INPP4B: variants seen among roughly 807,000 people sequenced by gnomAD.
The protein encoded by INPP4B is inositol polyphosphate-4-phosphatase type II B.
In INPP4B, 55 loss-of-function variants were observed where a neutral mutation model predicts 122.5. The ratio of observed to expected loss-of-function variants is 0.45; its 90% CI spans 0.36 to 0.56. The LOEUF is 0.56. Ranked by LOEUF, INPP4B falls within the 20% of genes least tolerant of loss-of-function variation. The pLI, the probability that INPP4B is intolerant of heterozygous loss-of-function variation, is 0.00. For missense variants in INPP4B, 1,000 were observed against 1,097.7 expected, an observed-to-expected ratio of 0.91 and a Z score of 1.26; for synonymous variants, 403 against 388.7, an observed-to-expected ratio of 1.04 and a Z score of -0.43.
At chr4:142,185,673 A>AT in intron 15 of INPP4B, among the ~76,000 whole-genome samples, 3 of 151,650 alleles carry the variant, frequency 2.0e-5, no homozygotes, top group Non-Finnish European at 4.4e-5. Context: ...AGGTCAGGAG[A>AT]CAGAGACCAT....
At chr4:142,141,052 T>C (rs1446864970) in intron 18 of INPP4B, among the ~76,000 whole-genome samples, 1 of 152,110 alleles carries the variant, frequency 6.6e-6, no homozygotes, top group East Asian at 1.9e-4. Context: ...CTTTGAAAAA[T>C]GATTGAAAAG....
At chr4:142,682,607 A>G (rs377662388) in intron 2 of INPP4B, among the ~76,000 whole-genome samples, 36 of 152,060 alleles carry the variant, frequency 2.4e-4, no homozygotes, top group African/African-American at 8.4e-4. Context: ...TGCAAAGACT[A>G]TAACAACTGT....
intron 1 of INPP4B, among the ~76,000 whole-genome samples, chr4:142,784,408 T>TAAATAAAAAAAA (rs1554009430): frequency 6.0e-5 from 8 of 133,472 alleles, no homozygotes; most frequent in East Asian, 2.4e-4. Flanking sequence ...AATAAATAAA[T>TAAATAAAAAAAA]AAAAATTAAA....
intron 2 of INPP4B, among the ~76,000 whole-genome samples, chr4:142,627,752 A>G (rs1746821354): frequency 6.6e-6 from 1 of 152,088 alleles, no homozygotes; most frequent in Non-Finnish European, 1.5e-5. Flanking sequence ...TGGTATCAGA[A>G]TGATGCTGGC....
At chr4:142,727,505 G>A (rs1348906452) in intron 1 of INPP4B, among the ~76,000 whole-genome samples, 1 of 152,120 alleles carries the variant, frequency 6.6e-6, no homozygotes, top group Non-Finnish European at 1.5e-5. Context: ...ATCATTATTA[G>A]ATAATACATA....
intron 1 of INPP4B, among the ~76,000 whole-genome samples, chr4:142,818,307 C>A (rs967296628): frequency 1.3e-5 from 2 of 152,140 alleles, no homozygotes; most frequent in Non-Finnish European, 2.9e-5. Flanking sequence ...GAAATGCCTG[C>A]TTTCCCAGAA....
At chr4:142,206,973 C>G (rs1271132797) in intron 14 of INPP4B, among the ~76,000 whole-genome samples, 1 of 151,980 alleles carries the variant, frequency 6.6e-6, no homozygotes, top group Non-Finnish European at 1.5e-5. Context: ...TCCCGAAGCC[C>G]CTGGAAACCA....
chr4:142,806,791 GA>G (rs1268122458), intron 1 of INPP4B, among the ~76,000 whole-genome samples: 2 of 96,274 alleles, frequency 2.1e-5, no homozygotes, highest in African/African-American at 4.2e-5. Context: ...AAGAAGGAAA[GA>G]AAGAAAGAAA....
intron 15 of INPP4B, among the ~76,000 whole-genome samples, chr4:142,187,213 G>C (rs1280408423): frequency 6.6e-6 from 1 of 151,832 alleles, no homozygotes; most frequent in Non-Finnish European, 1.5e-5. Flanking sequence ...GAACTGACAG[G>C]GGCTTTTATT....
At chr4:142,473,262 T>A (rs528453824) in intron 2 of INPP4B, 2 of 152,390 alleles carry the variant, frequency 1.3e-5, no homozygotes, top group South Asian at 2.1e-4. Context: ...CCCTGCAGGC[T>A]GATCATCTGA....
intron 2 of INPP4B, among the ~76,000 whole-genome samples, chr4:142,560,142 A>T (rs545410145): frequency 1.3e-5 from 2 of 152,292 alleles, no homozygotes; most frequent in East Asian, 3.9e-4. Context: ...TGAGATTGCT[A>T]TGGAAGTGAG....
chr4:142,223,211 C>A (rs1850134992), intron 12 of INPP4B, among the ~76,000 whole-genome samples: 3 of 151,992 alleles, frequency 2.0e-5, no homozygotes, highest in African/African-American at 4.8e-5. Context: ...CACACACACA[C>A]ACACTCACAC....
intron 2 of INPP4B, among the ~76,000 whole-genome samples, chr4:142,493,109 G>C (rs1404527078): frequency 6.6e-6 from 1 of 152,208 alleles, no homozygotes; most frequent in Admixed American, 6.5e-5. Flanking sequence ...GGCTTACATA[G>C]GGTGTTGGAC....
chr4:142,644,562 C>T (rs959981907), intron 2 of INPP4B, among the ~76,000 whole-genome samples: 2 of 151,558 alleles, frequency 1.3e-5, no homozygotes, highest in African/African-American at 4.8e-5. Flanking sequence ...ACAGAACATT[C>T]AGTTCCAGGA....
At position 142,702,033 on chromosome 4, in the gene INPP4B, G is replaced by A. The variant is rs1761847920; in HGVS notation, c.-191+23806C>T. Among the ~76,000 whole-genome samples the A allele has an allele frequency of 2.0e-5, 3 of 152,274 alleles. No homozygotes were observed. In the South Asian group the frequency reaches 6.2e-4, roughly 32 times the overall value. ...AAAGAGTTAGGCTCCCACTCACACT[G>A]AAGCTTAGCCAAGTCAAGCCTAAGT... On this transcript the variant is annotated intron_variant, in intron 2 of 25. Coordinates refer to ENST00000262992, the MANE Select transcript of INPP4B (RefSeq NM_001101669.3).
chr4:142,172,133 G>A (rs1249640646), intron 16 of INPP4B, among the ~76,000 whole-genome samples: 2 of 151,714 alleles, frequency 1.3e-5, no homozygotes, highest in Non-Finnish European at 2.9e-5. Context: ...GTATTACTAA[G>A]GCATTTGTCT....
At position 142,270,653 on chromosome 4, in the gene INPP4B, G is replaced by C. The variant is rs2150565146; in HGVS notation, c.615+10C>G. 1 of 1,518,662 alleles carries C rather than the reference G, an allele frequency of 6.6e-7. No individual in the cohort carries two copies. The highest frequency in any genetic ancestry group is 9.2e-7 in the Non-Finnish European group (1 of 1,092,884). 94.1% of individuals were successfully genotyped at this position (1,518,662 alleles called of 1,614,324 possible). A position where few individuals can be genotyped will look rare whatever the true frequency, so the allele number is the denominator to read the frequency against. ...ATTTAATTTGTACAATGAGCAGACT[G>C]AGATCCTACCTTTTGTCCCTGTACA... is the stretch of plus-strand genomic sequence containing the variant. On this transcript the variant is annotated intron_variant, in intron 10 of 25. Coordinates refer to ENST00000262992, the MANE Select transcript of INPP4B (RefSeq NM_001101669.3).
intron 15 of INPP4B, among the ~76,000 whole-genome samples, chr4:142,176,859 T>C (rs943514900): frequency 1.3e-5 from 2 of 152,190 alleles, no homozygotes; most frequent in Non-Finnish European, 1.5e-5. Context: ...ACACAAGGAC[T>C]CTCATAAAAG....
intron 25 of INPP4B, among the ~76,000 whole-genome samples, chr4:142,036,790 A>C (rs1405897968): frequency 6.6e-6 from 1 of 152,230 alleles, no homozygotes; most frequent in Non-Finnish European, 1.5e-5. Flanking sequence ...GCTGGAATTT[A>C]AAGCAACATG....
Sources: gnomAD v4.1 joint callset for allele counts (sites outside exome capture counted in the v4.1 genomes callset) on GRCh38, gnomAD v4.1.1 for gene constraint, MANE v1.5 for transcripts, NCBI Gene and HGNC (gene_info 2026-07-23, HGNC 2026-07-21) for gene names.